EIF2AK2: variants seen among roughly 807,000 people sequenced by gnomAD.
The protein encoded by EIF2AK2 is eukaryotic translation initiation factor 2 alpha kinase 2.
Under a neutral mutation model 70.5 loss-of-function variants are expected in EIF2AK2, and 40 were observed. The observed-to-expected ratio is 0.57, with a 90% CI of 0.44 to 0.74. EIF2AK2 has a LOEUF of 0.74. Ranked by LOEUF, EIF2AK2 falls within the 30% of genes least tolerant of loss-of-function variation. The pLI, the probability that EIF2AK2 is intolerant of heterozygous loss-of-function variation, is 0.00. For synonymous variants in EIF2AK2, 198 were observed against 220.9 expected (o/e 0.90, Z 0.92); for missense variants, 555 against 644.3 (o/e 0.86, Z 1.50).
chr2:37,119,855 G>A, intron 13 of EIF2AK2, 104 bp downstream of exon 13: 2 of 627,506 alleles, frequency 3.2e-6, no homozygotes, highest in Non-Finnish European at 4.4e-6. Flanking sequence ...GCCTCCCAAA[G>A]TGTTGAGATT....
At chr2:37,133,405 A>C (rs542176837) in intron 10 of EIF2AK2, among the ~76,000 whole-genome samples, 75 of 152,116 alleles carry the variant, frequency 4.9e-4, no homozygotes, top group Non-Finnish European at 1.5e-4. Context: ...TGCTGACAAA[A>C]TACAACTCCT....
At chr2:37,151,482 G>A (rs1334889909) in intron 1 of EIF2AK2, among the ~76,000 whole-genome samples, 1 of 152,130 alleles carries the variant, frequency 6.6e-6, no homozygotes, top group East Asian at 1.9e-4. Flanking sequence ...TGGAGAAACT[G>A]GACCCCTCAA....
At chr2:37,143,575 A>G (rs1675417999) in intron 4 of EIF2AK2, among the ~76,000 whole-genome samples, 1 of 152,148 alleles carries the variant, frequency 6.6e-6, no homozygotes. Context: ...ATTATTCCCT[A>G]AACAATACAG....
Position 37,109,268 on chromosome 2 carries a change from C to T in EIF2AK2, c.1405G>A (p.Val469Met). The T allele has an allele frequency of 6.2e-7, 1 of 1,614,138 alleles. No homozygotes were observed. The highest frequency in any genetic ancestry group is 8.5e-7 in the Non-Finnish European group (1 of 1,179,994). ...ATTAGCCCCAAAGCGTAGAGGTCCA[C>T]TTCCTTTCCATAGTCTTGCGAAGAA... ...QISSQDYGKE[V>M]DLYALGLILA... Residue 469 changes from valine to methionine, a missense_variant, in exon 15 of 17, where the codon GTG becomes ATG. By Grantham distance (21) the Val-to-Met change is conservative. Around this residue, in one of 3 missense-constraint regions of EIF2AK2, gnomAD observed 299 missense variants for 375.4 expected, o/e 0.80. Transcript: ENST00000233057.
chr2:37,151,131 C>T (rs1338686293), intron 1 of EIF2AK2, among the ~76,000 whole-genome samples: 1 of 151,944 alleles, frequency 6.6e-6, no homozygotes, highest in Non-Finnish European at 1.5e-5. Flanking sequence ...GTTTGTGTAT[C>T]AAAGGACACT....
At position 37,141,687 on chromosome 2, in the gene EIF2AK2, T is replaced by C. The variant is rs371052007; in HGVS notation, c.255A>G (p.Leu85=). 48 of 1,612,552 alleles carry C rather than the reference T, an allele frequency of 3.0e-5. No individual in the cohort carries two copies. The highest frequency in any genetic ancestry group is 3.9e-5 in the Non-Finnish European group (46 of 1,179,590). Residue 85 remains leucine, a synonymous_variant, in exon 5 of 17, where the codon TTA becomes TTG. Coordinates refer to ENST00000233057, the MANE Select transcript of EIF2AK2 (RefSeq NM_001135651.3). ...LNKEKKAVSP[L]LLTTTNSSEG... The stretch of plus-strand genomic sequence containing the variant: ...CTGAAGAATTCGTTGTTGTCAATAA[T>C]AAAGGACTAACTGCCTACAAAGAAA...
At chr2:37,111,773 AC>A (rs1674156512) in intron 14 of EIF2AK2, among the ~76,000 whole-genome samples, 1 of 147,102 alleles carries the variant, frequency 6.8e-6, no homozygotes, top group Admixed American at 6.9e-5. Context: ...CAGGAGGATC[AC>A]CTGAGCCAAG....
chr2:37,155,519 G>A (rs2148722298), intron 1 of EIF2AK2, among the ~76,000 whole-genome samples: 1 of 152,182 alleles, frequency 6.6e-6, no homozygotes, highest in South Asian at 2.1e-4. Flanking sequence ...GATGCTGGAG[G>A]GTCAGCTAGT....
intron 10 of EIF2AK2, among the ~76,000 whole-genome samples, chr2:37,131,647 C>A (rs919813829): frequency 1.3e-5 from 2 of 152,116 alleles, no homozygotes; most frequent in African/African-American, 2.4e-5. Context: ...ATTGAAAGTT[C>A]TCTTGCCGTG....
At chr2:37,142,711 A>C (rs1226388700) in intron 4 of EIF2AK2, among the ~76,000 whole-genome samples, 1 of 152,130 alleles carries the variant, frequency 6.6e-6, no homozygotes, top group Non-Finnish European at 1.5e-5. Flanking sequence ...TTGAAACCTA[A>C]ATTTTCCCAA....
At chr2:37,142,350 C>G (rs555638082) in intron 4 of EIF2AK2, among the ~76,000 whole-genome samples, 52 of 152,182 alleles carry the variant, frequency 3.4e-4, no homozygotes, top group African/African-American at 1.1e-3. Context: ...CCAGGCTGTT[C>G]TCGAACTCCT....
chr2:37,149,364 A>G (rs776159357), intron 1 of EIF2AK2: 7 of 604,806 alleles, frequency 1.2e-5, no homozygotes, highest in Non-Finnish European at 2.0e-5. Flanking sequence ...CGGTTACTCT[A>G]AGATACATTT....
In EIF2AK2 at chr2:37,106,236, G is replaced by A. The variant is rs4648246; in HGVS notation, c.*1037C>T. 1.3e-5 allele frequency: 2 copies of A among 152,034 alleles called. No individual in the cohort carries two copies. The highest frequency in any genetic ancestry group is 4.8e-5 in the African/African-American group (2 of 41,376). The allele number at this position is 152,034 out of a possible 1,614,324, so 9.4% of individuals were successfully genotyped here. A position where few individuals can be genotyped will look rare whatever the true frequency, so the allele number is the denominator to read the frequency against. ...GCATGCTCTGGAACTTTATATAAAT[G>A]GAATTATTCTGCATATATTTTCTGA... is the stretch of plus-strand genomic sequence containing the variant. On this transcript the variant is annotated 3_prime_UTR_variant, in exon 17 of 17. Coordinates refer to ENST00000233057, the MANE Select transcript of EIF2AK2 (RefSeq NM_001135651.3).
intron 5 of EIF2AK2, 120 bp downstream of exon 5, chr2:37,141,432 TA>T (rs1474210003): frequency 1.6e-5 from 19 of 1,208,764 alleles, no homozygotes. Context: ...ATCAATCATG[TA>T]AAACCTTGCA....
chr2:37,104,348 C>T lies in EIF2AK2; in HGVS notation c.*2925G>A, dbSNP rs1456679568. The T allele has an allele frequency of 1.3e-5, 2 of 151,822 alleles. No homozygotes were observed. Among genetic ancestry groups the T allele is most frequent in the Non-Finnish European group, 2.9e-5 (2 of 68,004 alleles). 9.4% of individuals were successfully genotyped at this position (151,822 alleles called of 1,614,324 possible). A position where few individuals can be genotyped will look rare whatever the true frequency, so the allele number is the denominator to read the frequency against. Reference sequence around the variant, plus strand: ...ATTATTATTATTATTTAGATATGATCTCACTCTGTCACCCAGGCTGGAATG... The same window carrying T: ...ATTATTATTATTATTTAGATATGATTTCACTCTGTCACCCAGGCTGGAATG... On this transcript the variant is annotated 3_prime_UTR_variant, in exon 17 of 17. Transcript: ENST00000233057.
intron 12 of EIF2AK2, among the ~76,000 whole-genome samples, chr2:37,120,832 G>A (rs1051580388): frequency 3.4e-5 from 5 of 149,066 alleles, no homozygotes; most frequent in African/African-American, 4.9e-5. Context: ...GTGTGGTGGC[G>A]CGGCACCTGT....
intron 4 of EIF2AK2, among the ~76,000 whole-genome samples, chr2:37,143,892 G>A (rs1011872467): frequency 1.1e-4 from 17 of 151,800 alleles, no homozygotes; most frequent in African/African-American, 2.7e-4. Context: ...CTCAAAAAAC[G>A]ACAACAACAA....
At chr2:37,132,471 C>T (rs1229571372) in intron 10 of EIF2AK2, among the ~76,000 whole-genome samples, 2 of 152,186 alleles carry the variant, frequency 1.3e-5, no homozygotes, top group African/African-American at 2.4e-5. Context: ...TGCCTGTAAT[C>T]CCAGCTACTC....
In EIF2AK2 at chr2:37,141,709, GA is replaced by G. The variant is rs766927019; in HGVS notation, c.241-9del. 10 of 1,580,552 alleles carry G rather than the reference GA, an allele frequency of 6.3e-6. No homozygotes were observed. Among genetic ancestry groups the G allele is most frequent in the Non-Finnish European group, 6.0e-6 (7 of 1,167,792 alleles). On this transcript the variant is annotated splice_polypyrimidine_tract_variant and intron_variant, in intron 4 of 16. Transcript: ENST00000233057. ...TAATAAAGGACTAACTGCCTACAAA[GA>G]AAAAAAATTCCTGTTTAATATAAAT...
Sources: gnomAD v4.1 joint callset for allele counts (sites outside exome capture counted in the v4.1 genomes callset) on GRCh38, gnomAD v4.1.1 for gene constraint, gnomAD v4.1.1 regional missense constraint, MANE v1.5 for transcripts, NCBI Gene and HGNC (gene_info 2026-07-23, HGNC 2026-07-21) for gene names.